The following KLHDC10 variants were observed in gnomAD, a reference collection of about 807,000 sequenced individuals.
KLHDC10 encodes the protein kelch domain containing 10.
A neutral mutation model predicts 56.1 loss-of-function variants in KLHDC10; 24 were observed. The ratio of observed to expected loss-of-function variants is 0.43; its 90% CI spans 0.31 to 0.60. The LOEUF (loss-of-function observed/expected upper bound fraction) is 0.60. KLHDC10 is among the 20% of genes least tolerant of loss of function. The pLI is 0.11. For missense variants in KLHDC10, 349 were observed against 567.0 expected (o/e 0.62, Z 3.91); for synonymous variants, 188 against 207.1 (o/e 0.91, Z 0.79).
At chr7:130,083,084 A>G (rs924719079) in intron 1 of KLHDC10, among the ~76,000 whole-genome samples, 17 of 152,172 alleles carry the variant, frequency 1.1e-4, no homozygotes, top group Non-Finnish European at 7.3e-5. Context: ...CCTGTTTGCC[A>G]GCAGCCTCTA....
intron 1 of KLHDC10, among the ~76,000 whole-genome samples, chr7:130,073,133 C>G (rs1477273482): frequency 6.6e-6 from 1 of 151,808 alleles, no homozygotes; most frequent in Admixed American, 6.6e-5. Context: ...CTTTGAAAGT[C>G]CAAGGTGGGA....
chr7:130,107,188 G>A (rs1265897153), intron 2 of KLHDC10, among the ~76,000 whole-genome samples: 1 of 151,914 alleles, frequency 6.6e-6, no homozygotes, highest in Non-Finnish European at 1.5e-5. Context: ...TAAAAAAAAC[G>A]AGACAAAGAT....
At chr7:130,090,091 G>C (rs903113059) in intron 1 of KLHDC10, among the ~76,000 whole-genome samples, 1 of 151,980 alleles carries the variant, frequency 6.6e-6, no homozygotes. Flanking sequence ...TCCATGTTGA[G>C]GCTGGTCTCG....
At chr7:130,124,128 T>C (rs1431807251) in intron 5 of KLHDC10, among the ~76,000 whole-genome samples, 1 of 152,228 alleles carries the variant, frequency 6.6e-6, no homozygotes, top group African/African-American at 2.4e-5. Context: ...CCAGGTTTAA[T>C]GTTTTGGATG....
At chr7:130,078,807 C>T (rs979896094) in intron 1 of KLHDC10, among the ~76,000 whole-genome samples, 4 of 152,320 alleles carry the variant, frequency 2.6e-5, no homozygotes, top group East Asian at 3.9e-4. Flanking sequence ...CGTGAGCCAC[C>T]GCGCCTGGCC....
At chr7:130,075,442 C>G (rs1472041619) in intron 1 of KLHDC10, among the ~76,000 whole-genome samples, 1 of 152,176 alleles carries the variant, frequency 6.6e-6, no homozygotes, top group East Asian at 1.9e-4. Context: ...AGTTTTTCTT[C>G]TTCCTTTGAC....
intron 1 of KLHDC10, among the ~76,000 whole-genome samples, chr7:130,090,418 T>C (rs1292199658): frequency 6.6e-6 from 1 of 151,852 alleles, no homozygotes; most frequent in Non-Finnish European, 1.5e-5. Flanking sequence ...TGAGACCCTA[T>C]CTCTACAAAA....
intron 1 of KLHDC10, among the ~76,000 whole-genome samples, chr7:130,077,372 A>AAAAC (rs1795523097): frequency 1.4e-5 from 2 of 145,310 alleles, no homozygotes; most frequent in Non-Finnish European, 3.0e-5. Context: ...AAAAAAAAAA[A>AAAAC]AAAAAAAAAA....
Position 130,108,556 on chromosome 7 carries a change from C to CAAAAAA in KLHDC10, c.254-7877_254-7872dup, listed in dbSNP as rs71175086. On this transcript the variant is annotated intron_variant, in intron 2 of 9. Transcript: ENST00000335420. ...CGAAACGCCGTCTCTACCAAATATC[C>CAAAAAA]AAAAAAAAAAAAAAAAAGCTGGGCG... Among the ~76,000 whole-genome samples, 54 of 85,626 alleles carry CAAAAAA rather than the reference C, an allele frequency of 6.3e-4. No homozygotes were observed. The East Asian group carries it at 6.9e-3, about 11-fold the overall frequency. The allele number at this position is 85,626 out of a possible 152,430, so 56.2% of individuals were successfully genotyped here.
intron 2 of KLHDC10, 33 bp downstream of exon 2, chr7:130,097,040 G>C: frequency 6.8e-7 from 1 of 1,467,894 alleles, no homozygotes; most frequent in Non-Finnish European, 9.4e-7. Context: ...TCTGTGCTTC[G>C]TATGGGTTAA....
At position 130,134,689 on chromosome 7, in the gene KLHDC10, T is replaced by C. The variant is rs1796444702; in HGVS notation, c.*3943T>C. ...AAGTGGCACAGGTTACTGAATTGTC[T>C]ACCTGCCAGCATTCTGATATAGCAC... On this transcript the variant is annotated 3_prime_UTR_variant, in exon 10 of 10. Transcript: ENST00000335420. 6.6e-6 allele frequency: 1 copy of C among 152,224 alleles called. No individual in the cohort carries two copies. Among genetic ancestry groups the C allele is most frequent in the African/African-American group, 2.4e-5 (1 of 41,466 alleles). The allele number at this position is 152,224 out of a possible 1,614,324, so 9.4% of individuals were successfully genotyped here.
At chr7:130,075,171 G>GCCC (rs1325531753) in intron 1 of KLHDC10, among the ~76,000 whole-genome samples, 1 of 152,156 alleles carries the variant, frequency 6.6e-6, no homozygotes, top group Non-Finnish European at 1.5e-5. Flanking sequence ...GAGCTCAGGA[G>GCCC]CGCGGGGTTC....
chr7:130,116,925 A>G lies in KLHDC10; in HGVS notation c.475+259A>G, dbSNP rs1478750725. 2.0e-5 allele frequency among the ~76,000 whole-genome samples: 3 copies of G among 152,170 alleles called. No individual in the cohort carries two copies. The highest frequency in any genetic ancestry group is 7.2e-5 in the African/African-American group (3 of 41,426). On this transcript the variant is annotated intron_variant, in intron 3 of 9. Coordinates refer to ENST00000335420, the MANE Select transcript of KLHDC10 (RefSeq NM_014997.4). The surrounding 1 kb of genome is among the most constrained non-coding windows in gnomAD (Gnocchi z 4.8). ...GATTAATAATATCTTAGAGGGTTCA[A>G]TATAAAGTATCACGCAGTAGAAGGT...
At chr7:130,104,668 G>A (rs1795984541) in intron 2 of KLHDC10, among the ~76,000 whole-genome samples, 1 of 152,158 alleles carries the variant, frequency 6.6e-6, no homozygotes, top group Non-Finnish European at 1.5e-5. Context: ...TCTGCTTCTG[G>A]AGAGGCCTCA....
rs765376550 is a variant in KLHDC10 at position 130,070,605 on chromosome 7, G to T, written c.-39G>T. 9 of 1,301,756 alleles carry T rather than the reference G, an allele frequency of 6.9e-6. No individual in the cohort carries two copies. The highest frequency in any genetic ancestry group is 5.7e-5 in the East Asian group (2 of 34,940). 80.6% of individuals were successfully genotyped at this position (1,301,756 alleles called of 1,614,324 possible). A position where few individuals can be genotyped will look rare whatever the true frequency, so the allele number is the denominator to read the frequency against. Reference sequence around the variant, plus strand: ...GGCTCCGCTGGTTCCGCTGGGTCAGGCGCTGACGGGACCGGGCTGCGGCAA... The same window carrying T: ...GGCTCCGCTGGTTCCGCTGGGTCAGTCGCTGACGGGACCGGGCTGCGGCAA... On this transcript the variant is annotated 5_prime_UTR_variant, in exon 1 of 10. Transcript: ENST00000335420.
chr7:130,074,619 C>CTT (rs577941524), intron 1 of KLHDC10, among the ~76,000 whole-genome samples: 3,611 of 139,248 alleles, frequency 0.026, 166 homozygotes, highest in African/African-American at 0.09. Context: ...GGTTCTCTCT[C>CTT]TTTTTTTTTT....
chr7:130,114,343 G>A (rs981716520), intron 2 of KLHDC10, among the ~76,000 whole-genome samples: 1 of 152,180 alleles, frequency 6.6e-6, no homozygotes, highest in African/African-American at 2.4e-5. Context: ...AAATACAAAT[G>A]TATTCCTTTT....
intron 8 of KLHDC10, among the ~76,000 whole-genome samples, chr7:130,128,889 A>AAAAAAAAAAAAAAAAAAAAAATATATAT: frequency 4.5e-5 from 3 of 66,952 alleles, no homozygotes; most frequent in Non-Finnish European, 5.5e-5. Context: ...AAAAAAAAAA[A>AAAAAAAAAAAAAAAAAAAAAATATATAT]ATATATATAT....
rs559614237 is a variant in KLHDC10 at position 130,131,964 on chromosome 7, G to A, written c.*1218G>A. 3.9e-5 allele frequency: 6 copies of A among 152,264 alleles called. No individual in the cohort carries two copies. The highest frequency in any genetic ancestry group is 1.3e-4 in the Admixed American group (2 of 15,296). The allele number at this position is 152,264 out of a possible 1,614,324, so 9.4% of individuals were successfully genotyped here. ...GGTAAAGCCACAGGTCATCCTTCCTGAAGAACCAAGTATCATTTAAAAACT... is the reference window on the plus strand; with the variant it reads ...GGTAAAGCCACAGGTCATCCTTCCTAAAGAACCAAGTATCATTTAAAAACT... On this transcript the variant is annotated 3_prime_UTR_variant, in exon 10 of 10. Coordinates refer to ENST00000335420, the MANE Select transcript of KLHDC10 (RefSeq NM_014997.4).
Sources: allele counts gnomAD v4.1 joint callset (sites outside exome capture counted in the v4.1 genomes callset), GRCh38; gene constraint gnomAD v4.1.1; non-coding constraint Gnocchi (gnomAD v3.1); transcripts MANE v1.5; gene names NCBI Gene and HGNC (gene_info 2026-07-23, HGNC 2026-07-21).